The following ANXA7 variants were observed in gnomAD, a reference collection of about 807,000 sequenced individuals.
ANXA7 encodes annexin VII.
Under a neutral mutation model 64.9 loss-of-function variants are expected in ANXA7, and 55 were observed. The observed-to-expected ratio is 0.85, with a 90% confidence interval of 0.68 to 1.06. The LOEUF is 1.06. ANXA7 is among the 50% of genes least tolerant of loss of function. The pLI is 0.00. For synonymous variants in ANXA7, 200 were observed against 192.4 expected, an observed-to-expected ratio of 1.04 and a Z score of -0.33; for missense variants, 548 against 582.1, an observed-to-expected ratio of 0.94 and a Z score of 0.60.
At chr10:73,397,089 A>G (rs1480168612) in intron 4 of ANXA7, 75 bp downstream of exon 4, 1 of 632,238 alleles carries the variant, frequency 1.6e-6, no homozygotes, top group Non-Finnish European at 2.5e-6. Context: ...TCAAATATAA[A>G]CTAAGTTCCC....
intron 1 of ANXA7, among the ~76,000 whole-genome samples, chr10:73,408,789 G>C (rs1380238990): frequency 6.6e-6 from 1 of 152,152 alleles, no homozygotes; most frequent in African/African-American, 2.4e-5. Context: ...CAGCATTTTT[G>C]TAATAGGAAA....
intron 1 of ANXA7, among the ~76,000 whole-genome samples, chr10:73,401,795 C>CTCGG (rs1564532194): frequency 2.5e-3 from 361 of 144,050 alleles, no homozygotes; most frequent in African/African-American, 9.3e-3. Context: ...AGCCACCTCA[C>CTCGG]CCGGCCAAGG....
intron 1 of ANXA7, among the ~76,000 whole-genome samples, chr10:73,401,715 C>A (rs530956802): frequency 6.6e-6 from 1 of 152,030 alleles, no homozygotes; most frequent in South Asian, 2.1e-4. Flanking sequence ...TTGGCCAGGC[C>A]GGTCTTGAAC....
At chr10:73,396,110 C>T (rs375002246) in intron 5 of ANXA7, 1 of 1,576,902 alleles carries the variant, frequency 6.3e-7, no homozygotes, top group Non-Finnish European at 8.7e-7. Context: ...CTGTATTGAT[C>T]TGAAAAAAGA....
At chr10:73,382,016 T>A (rs1208771107) in intron 9 of ANXA7, among the ~76,000 whole-genome samples, 6 of 152,062 alleles carry the variant, frequency 3.9e-5, no homozygotes, top group Admixed American at 3.9e-4. Flanking sequence ...GTAGCTGGGA[T>A]TACAGGTGCC....
chr10:73,397,320 T>C (rs367561039), intron 3 of ANXA7, 46 bp from the exon 4 acceptor site: 10 of 1,246,784 alleles, frequency 8.0e-6, no homozygotes, highest in African/African-American at 6.0e-5. Flanking sequence ...GTTCTCATGA[T>C]TGCAGAAAAA....
At chr10:73,398,086 T>G (rs2055603940) in intron 3 of ANXA7, 95 bp downstream of exon 3, 3 of 1,298,272 alleles carry the variant, frequency 2.3e-6, no homozygotes, top group East Asian at 2.5e-5. Context: ...CGACTTGACC[T>G]TATACAAAAC....
In ANXA7 at chr10:73,376,208, C is replaced by G; in HGVS notation, c.1288G>C (p.Val430Leu). 1 of 1,573,268 alleles carries G rather than the reference C, an allele frequency of 6.4e-7. No homozygotes were observed. Among genetic ancestry groups the G allele is most frequent in the Non-Finnish European group, 8.6e-7 (1 of 1,163,498 alleles). The part of the protein sequence containing the change: ...IVVTRSEIDL[V>L]QIKQMFAQMY... ...TGAGCGAACATCTGTTTTATTTGTA[C>G]AAGGTCAATCTGCATAAGAAATAAT... The change falls in exon 13 of 13, where the codon GTA becomes CTA. Residue 430 changes from valine (V) to leucine (L), a missense_variant. Physicochemically the swap from Val to Leu is conservative, Grantham distance 32. Coordinates refer to ENST00000372921, the MANE Select transcript of ANXA7 (RefSeq NM_001156.5).
intron 1 of ANXA7, among the ~76,000 whole-genome samples, chr10:73,408,043 G>A (rs2055785454): frequency 6.6e-6 from 1 of 152,184 alleles, no homozygotes; most frequent in Non-Finnish European, 1.5e-5. Context: ...GATAGGCCAG[G>A]CGCAGTGGCT....
chr10:73,394,549 T>C (rs1334424200), intron 5 of ANXA7, among the ~76,000 whole-genome samples: 4 of 152,234 alleles, frequency 2.6e-5, no homozygotes, highest in Admixed American at 6.5e-5. Flanking sequence ...GATGAGTTCA[T>C]GTCCTTTGTA....
chr10:73,407,352 C>T (rs12243189), intron 1 of ANXA7, among the ~76,000 whole-genome samples: 1,957 of 152,276 alleles, frequency 0.013, 40 homozygotes, highest in African/African-American at 0.044. Flanking sequence ...GCTGGGATTA[C>T]AGGCGTGAGC....
chr10:73,402,863 C>T lies in ANXA7; in HGVS notation c.-1-2006G>A, dbSNP rs1384001890. ...TTTTTGAGTCGGAGTCTGACTCTGTCGCCCAGGCTGGAGTACAGTGGCATA... is the reference window on the plus strand; with the variant it reads ...TTTTTGAGTCGGAGTCTGACTCTGTTGCCCAGGCTGGAGTACAGTGGCATA... On this transcript the variant is annotated intron_variant, in intron 1 of 12. Transcript: ENST00000372921. Among the ~76,000 whole-genome samples the T allele has an allele frequency of 4.0e-5, 6 of 150,346 alleles. No homozygotes were observed. In the South Asian group the frequency reaches 6.3e-4, roughly 16 times the overall value.
At chr10:73,385,712 G>A (rs889002415) in intron 7 of ANXA7, among the ~76,000 whole-genome samples, 4 of 152,108 alleles carry the variant, frequency 2.6e-5, no homozygotes, top group African/African-American at 9.7e-5. Flanking sequence ...TTCATAACAT[G>A]GAAAATATCT....
At chr10:73,394,981 C>A (rs886448224) in intron 5 of ANXA7, among the ~76,000 whole-genome samples, 1 of 152,102 alleles carries the variant, frequency 6.6e-6, no homozygotes, top group African/African-American at 2.4e-5. Context: ...CATGCTTAAA[C>A]TAAAATCAAA....
intron 1 of ANXA7, among the ~76,000 whole-genome samples, chr10:73,411,714 G>C (rs1374369317): frequency 1.3e-5 from 2 of 152,020 alleles, no homozygotes; most frequent in African/African-American, 2.4e-5. Flanking sequence ...TTACAGGCGT[G>C]AGCCACTGTG....
chr10:73,401,140 G>A (rs1589662250), intron 1 of ANXA7, among the ~76,000 whole-genome samples: 2 of 151,932 alleles, frequency 1.3e-5, no homozygotes, highest in South Asian at 4.2e-4. Flanking sequence ...TCTTAACCTG[G>A]TGATCCACCT....
At chr10:73,405,356 A>G (rs1310593473) in intron 1 of ANXA7, among the ~76,000 whole-genome samples, 1 of 151,562 alleles carries the variant, frequency 6.6e-6, no homozygotes, top group Non-Finnish European at 1.5e-5. Context: ...AGCCTGGCCA[A>G]CATGGTGAAA....
chr10:73,387,331 A>C (rs2055391125), intron 7 of ANXA7, among the ~76,000 whole-genome samples: 1 of 152,092 alleles, frequency 6.6e-6, no homozygotes, highest in Admixed American at 6.6e-5. Flanking sequence ...CCTGGCCAAC[A>C]TGGTGAAACT....
chr10:73,375,177 G>A lies in ANXA7; in HGVS notation c.*918C>T, dbSNP rs2055150912. ...TGGTGGTTGTCCAGGTGAGAGGTGG[G>A]GAAAATGGGGAGATGTTGGTCAAAG... On this transcript the variant is annotated 3_prime_UTR_variant, in exon 13 of 13. Coordinates refer to ENST00000372921, the MANE Select transcript of ANXA7 (RefSeq NM_001156.5). 6.6e-6 allele frequency: 1 copy of A among 152,136 alleles called. No individual in the cohort carries two copies. The highest frequency in any genetic ancestry group is 1.5e-5 in the Non-Finnish European group (1 of 68,038). The allele number at this position is 152,136 out of a possible 1,614,324, so 9.4% of individuals were successfully genotyped here.
Sources: gnomAD v4.1 joint callset for allele counts (sites outside exome capture counted in the v4.1 genomes callset) on GRCh38, gnomAD v4.1.1 for gene constraint, MANE v1.5 for transcripts, NCBI Gene and HGNC (gene_info 2026-07-23, HGNC 2026-07-21) for gene names.